The following PCDH15 variants were observed in gnomAD, a reference collection of about 807,000 sequenced individuals.
PCDH15 encodes the protein protocadherin related 15, also known as protocadherin-15.
PCDH15 carries 129 observed loss-of-function variants against 178.5 expected under a neutral mutation model. The ratio of observed to expected loss-of-function variants is 0.72; its 90% CI spans 0.63 to 0.84. The LOEUF (loss-of-function observed/expected upper bound fraction) is 0.84. Ranked by LOEUF, PCDH15 falls within the 40% of genes least tolerant of loss-of-function variation. The pLI is 0.00. For synonymous variants in PCDH15, 800 were observed against 732.0 expected (o/e 1.09, Z -1.50); for missense variants, 2,230 against 2,099.9 (o/e 1.06, Z -1.21).
At chr10:54,943,114 A>T (rs780819883) in intron 2 of PCDH15, among the ~76,000 whole-genome samples, 1 of 152,010 alleles carries the variant, frequency 6.6e-6, no homozygotes, top group Non-Finnish European at 1.5e-5. Context: ...TATTCTTACA[A>T]TTCTGTATGT....
At chr10:54,022,214 T>C (rs990003092) in intron 19 of PCDH15, among the ~76,000 whole-genome samples, 4 of 152,016 alleles carry the variant, frequency 2.6e-5, no homozygotes, top group African/African-American at 9.7e-5. Flanking sequence ...CAGCCTAATC[T>C]ACTGAATCAA....
chr10:53,892,031 T>G (rs1013498455), intron 26 of PCDH15, among the ~76,000 whole-genome samples: 9 of 146,582 alleles, frequency 6.1e-5, no homozygotes, highest in Non-Finnish European at 9.0e-5. Context: ...TTTTTTTTTT[T>G]TTTTTTTTTT....
intron 3 of PCDH15, among the ~76,000 whole-genome samples, chr10:54,520,619 C>G (rs1054626355): frequency 6.6e-6 from 1 of 151,954 alleles, no homozygotes; most frequent in Non-Finnish European, 1.5e-5. Context: ...GTTGGTGGGA[C>G]TGTCAACTAG....
intron 23 of PCDH15, among the ~76,000 whole-genome samples, chr10:53,946,952 A>T (rs369049276): frequency 2.6e-5 from 4 of 151,850 alleles, no homozygotes; most frequent in Admixed American, 1.3e-4. Flanking sequence ...AATTTTTTGT[A>T]TTTTTAGTAG....
chr10:54,924,363 A>T (rs1470514590), intron 2 of PCDH15, among the ~76,000 whole-genome samples: 1 of 138,086 alleles, frequency 7.2e-6, no homozygotes, highest in Non-Finnish European at 1.7e-5. Flanking sequence ...ATTTAGGTAG[A>T]TTCCACATCT....
At chr10:55,589,776 C>T (rs1350703258) in intron 2 of PCDH15, among the ~76,000 whole-genome samples, 1 of 149,210 alleles carries the variant, frequency 6.7e-6, no homozygotes, top group African/African-American at 2.5e-5. Context: ...CCATCTCACA[C>T]CAGTTAGAAT....
At chr10:54,948,228 C>T (rs1838239569) in intron 2 of PCDH15, among the ~76,000 whole-genome samples, 1 of 151,876 alleles carries the variant, frequency 6.6e-6, no homozygotes, top group Admixed American at 6.6e-5. Context: ...GTTTGAAAGC[C>T]TTAAGGCTTG....
intron 16 of PCDH15, among the ~76,000 whole-genome samples, chr10:54,089,161 G>GGTAATGCTGGGAAGA: frequency 1.3e-5 from 2 of 152,270 alleles, no homozygotes; most frequent in South Asian, 4.1e-4. Context: ...AAGACTAATT[G>GGTAATGCTGGGAAGA]ACCAGCACAT....
At chr10:54,846,211 A>G (rs566046944) in intron 3 of PCDH15, among the ~76,000 whole-genome samples, 94 of 152,272 alleles carry the variant, frequency 6.2e-4, no homozygotes, top group African/African-American at 2.2e-3. Context: ...CAATGTAATA[A>G]AACACACAGT....
At chr10:54,023,637 T>C (rs1565045335) in intron 18 of PCDH15, among the ~76,000 whole-genome samples, 1 of 149,204 alleles carries the variant, frequency 6.7e-6, no homozygotes, top group African/African-American at 2.4e-5. Flanking sequence ...ATGTTACACA[T>C]TATGTTTGTT....
intron 2 of PCDH15, chr10:54,568,472 G>T (rs1283632551): frequency 6.6e-6 from 1 of 151,928 alleles, no homozygotes; most frequent in Admixed American, 6.6e-5. Context: ...GTAAAATATA[G>T]TCTTCAACAA....
intron 21 of PCDH15, among the ~76,000 whole-genome samples, chr10:53,992,594 C>A (rs1034041468): frequency 2.6e-5 from 4 of 152,110 alleles, no homozygotes; most frequent in Non-Finnish European, 4.4e-5. Context: ...ACCCTGTTCC[C>A]CAAAATCTCC....
At chr10:54,507,285 T>G (rs997852862) in intron 3 of PCDH15, among the ~76,000 whole-genome samples, 5 of 151,510 alleles carry the variant, frequency 3.3e-5, no homozygotes, top group Non-Finnish European at 7.4e-5. Context: ...AATAATACTT[T>G]TATTCCTGCA....
rs1384449585 is a variant in PCDH15, at chr10:53,809,059, C to T, written c.4671+1497G>A. 2 of 1,612,436 alleles carry T rather than the reference C, an allele frequency of 1.2e-6. No individual in the cohort carries two copies. Among genetic ancestry groups the T allele is most frequent in the Non-Finnish European group, 1.7e-6 (2 of 1,179,256 alleles). On this transcript the variant is annotated intron_variant, in intron 37 of 37. Transcript: ENST00000644397. ...CTTGACCTCCTCAACCATGGGCCTTCTTCTTGCAAGCACAATGTTTTTCCT... is the reference window on the plus strand; with the variant it reads ...CTTGACCTCCTCAACCATGGGCCTTTTTCTTGCAAGCACAATGTTTTTCCT...
At chr10:54,338,337 G>A (rs763293594) in intron 6 of PCDH15, among the ~76,000 whole-genome samples, 4 of 152,132 alleles carry the variant, frequency 2.6e-5, no homozygotes, top group Non-Finnish European at 4.4e-5. Flanking sequence ...AAATTTTTTA[G>A]TAACCTACCT....
At chr10:53,990,466 G>T (rs1404228188) in intron 21 of PCDH15, among the ~76,000 whole-genome samples, 1 of 149,506 alleles carries the variant, frequency 6.7e-6, no homozygotes, top group Non-Finnish European at 1.5e-5. Flanking sequence ...CCTGAAAAAA[G>T]AAGTCTTAAA....
chr10:55,039,204 A>T (rs773226628), intron 2 of PCDH15, among the ~76,000 whole-genome samples: 8 of 152,110 alleles, frequency 5.3e-5, no homozygotes, highest in Non-Finnish European at 1.2e-4. Context: ...AATACAGAAA[A>T]AAAAGAGAGA....
At chr10:54,781,200 T>G (rs1950327237) in intron 1 of PCDH15, among the ~76,000 whole-genome samples, 1 of 152,198 alleles carries the variant, frequency 6.6e-6, no homozygotes, top group Middle Eastern at 3.4e-3. Context: ...AGTTCTGGGG[T>G]ACATATGCAG....
At chr10:55,111,945 T>A (rs563587169) in intron 2 of PCDH15, among the ~76,000 whole-genome samples, 11 of 152,194 alleles carry the variant, frequency 7.2e-5, no homozygotes, top group Admixed American at 1.3e-4. Context: ...CTGCATTCAA[T>A]AAGGTATGCA....
Sources: gnomAD v4.1 joint callset for allele counts (sites outside exome capture counted in the v4.1 genomes callset) on GRCh38, gnomAD v4.1.1 for gene constraint, MANE v1.5 for transcripts, NCBI Gene and HGNC (gene_info 2026-07-23, HGNC 2026-07-21) for gene names.